SLTM: variants seen among roughly 807,000 people sequenced by gnomAD.
SLTM encodes SAFB like transcription modulator.
SLTM carries 43 observed loss-of-function variants against 134.6 expected under a neutral mutation model. The observed-to-expected ratio is 0.32, with a 90% CI of 0.25 to 0.41. The LOEUF is 0.41. SLTM is among the 10% of genes least tolerant of loss of function. SLTM has a pLI of 1.00. For missense variants in SLTM, 1,055 were observed against 1,288.8 expected, an observed-to-expected ratio of 0.82 and a Z score of 2.78; for synonymous variants, 424 against 432.3, an observed-to-expected ratio of 0.98 and a Z score of 0.24.
In SLTM at chr15:58,894,100, T is replaced by C; in HGVS notation, c.1471A>G (p.Arg491Gly). ...SSGDKKNTSDRSSKTQASVKK... is the reference protein window; with the variant it reads ...SSGDKKNTSDGSSKTQASVKK... ...AAAATAAATCCTTACTTGCTACTTC[T>C]ATCACTCGTATTTTTTTTATCTCCA... Residue 491 changes from arginine (R) to glycine (G), a missense_variant, in exon 11 of 21, where the codon AGA (arginine) becomes GGA (glycine). By Grantham distance (125) the Arg-to-Gly change is moderately radical (BLOSUM62 -2). Transcript: ENST00000380516. 1 of 1,602,166 alleles carries C rather than the reference T, an allele frequency of 6.2e-7. No individual in the cohort carries two copies. The highest frequency in any genetic ancestry group is 8.5e-7 in the Non-Finnish European group (1 of 1,175,362).
intron 2 of SLTM, among the ~76,000 whole-genome samples, chr15:58,918,744 A>G (rs1377628452): frequency 1.3e-5 from 2 of 152,174 alleles, no homozygotes; most frequent in Admixed American, 1.3e-4. Flanking sequence ...AATTACTGTC[A>G]TCATTCTCTT....
chr15:58,894,705 G>GTTTTTTTT, intron 9 of SLTM, 123 bp from the exon 10 acceptor site: 2 of 517,564 alleles, frequency 3.9e-6, no homozygotes, highest in Non-Finnish European at 3.2e-6. Context: ...TCTGTCTCAT[G>GTTTTTTTT]TTTTTTTTTT....
chr15:58,914,126 GTC>G (rs1468082318), intron 3 of SLTM, among the ~76,000 whole-genome samples: 1 of 152,176 alleles, frequency 6.6e-6, no homozygotes, highest in Non-Finnish European at 1.5e-5. Flanking sequence ...CTGCATCAAT[GTC>G]TGTTCTTGAA....
intron 14 of SLTM, among the ~76,000 whole-genome samples, chr15:58,892,558 T>C (rs904516879): frequency 1.3e-5 from 2 of 152,212 alleles, no homozygotes; most frequent in African/African-American, 4.8e-5. Flanking sequence ...GCATTGGACT[T>C]GGAGTCAGAA....
At chr15:58,921,713 T>C (rs1324221034) in intron 2 of SLTM, 4 of 250,932 alleles carry the variant, frequency 1.6e-5, no homozygotes, top group Non-Finnish European at 2.5e-5. Context: ...TGGCAACTTT[T>C]GGCTTGTTTT....
Position 58,880,012 on chromosome 15 carries a change from G to A in SLTM, c.3092C>T (p.Pro1031Leu), listed in dbSNP as rs772146647. 26 of 1,613,326 alleles carry A rather than the reference G, an allele frequency of 1.6e-5. No individual in the cohort carries two copies. The highest frequency in any genetic ancestry group is 3.3e-5 in the Admixed American group (2 of 59,918). The change falls in exon 21 of 21, where the codon CCG becomes CTG. Residue 1031 changes from proline (P) to leucine (L), a missense_variant. Pro to Leu is a moderately conservative substitution (Grantham distance 98). This residue lies in a region of SLTM where 776 missense variants were observed against 962.2 expected (regional missense o/e 0.81). Transcript: ENST00000380516. ...SGFKPFKGGP[P>L]RRF ...GAGAGCTCATTTTCAGAATCGTCGC[G>A]GAGGTCCACCCTTAAATGGCTTAAA... is the stretch of plus-strand genomic sequence containing the variant.
chr15:58,901,572 A>G (rs889994580), intron 5 of SLTM, among the ~76,000 whole-genome samples: 1 of 152,222 alleles, frequency 6.6e-6, no homozygotes, highest in East Asian at 1.9e-4. Context: ...ATATAATCCA[A>G]TTCTTCCTCA....
Position 58,933,640 on chromosome 15 carries a change from G to A in SLTM, c.-75C>T. ...GGCAGCAGCGCCAACTTCCACCCAG[G>A]CCTCGGCGGCCGCCGGCGCCGCGCA... On this transcript the variant is annotated 5_prime_UTR_variant, in exon 1 of 21. Transcript: ENST00000380516. 2.2e-6 allele frequency: 3 copies of A among 1,388,590 alleles called. No homozygotes were observed. Among genetic ancestry groups the A allele is most frequent in the African/African-American group, 1.5e-5 (1 of 65,766 alleles). The allele number at this position is 1,388,590 out of a possible 1,614,324, so 86.0% of individuals were successfully genotyped here. A position where few individuals can be genotyped will look rare whatever the true frequency, so the allele number is the denominator to read the frequency against.
intron 5 of SLTM, among the ~76,000 whole-genome samples, chr15:58,908,556 A>G (rs1259109990): frequency 8.6e-5 from 13 of 151,984 alleles, no homozygotes; most frequent in Non-Finnish European, 1.3e-4. Flanking sequence ...TTTTATAGAG[A>G]CAGGGTCTTA....
chr15:58,916,953 T>C lies in SLTM; in HGVS notation c.297A>G (p.Glu99=), dbSNP rs1334803084. The C allele has an allele frequency of 6.2e-6, 10 of 1,613,872 alleles. No individual in the cohort carries two copies. The highest frequency in any genetic ancestry group is 8.5e-6 in the Non-Finnish European group (10 of 1,179,830). The part of the protein sequence containing the change: ...ADELSGDASV[E]DDAFIKDCEL... ...ACTTTACCTTGATAAAAGCATCATC[T>C]TCCACAGAAGCATCTCCACTCAACT... Residue 99 remains glutamate (E), a synonymous_variant, in exon 3 of 21, where the codon GAA becomes GAG. Transcript: ENST00000380516.
chr15:58,924,336 C>T lies in SLTM; in HGVS notation c.251-7337G>A, dbSNP rs117402347. On this transcript the variant is annotated intron_variant, in intron 2 of 20. Transcript: ENST00000380516. ...AAATGGCAAAGTAAAAACGTATATA[C>T]CAGAGAAAGACAAGACTATAAACAT... 7.7e-3 allele frequency among the ~76,000 whole-genome samples: 1,166 copies of T among 152,168 alleles called. 13 individuals carry two copies. Among genetic ancestry groups the T allele is most frequent in the South Asian group, 0.029 (139 of 4,826 alleles).
At position 58,910,526 on chromosome 15, in the gene SLTM, T is replaced by TA. The variant is rs141956858; in HGVS notation, c.561+2036_561+2037insT. ...TTCCTTCAGATATATTTCCATCTGTTTAAAAATTGTTCGTAATGAAGTTTA... is the reference window on the plus strand; with the variant it reads ...TTCCTTCAGATATATTTCCATCTGTTATAAAAATTGTTCGTAATGAAGTTTA... On this transcript the variant is annotated intron_variant, in intron 5 of 20. Coordinates refer to ENST00000380516, the MANE Select transcript of SLTM (RefSeq NM_024755.4). Among the ~76,000 whole-genome samples the TA allele has an allele frequency of 7.9e-3, 1,201 of 152,342 alleles. 17 individuals carry two copies. The highest frequency in any genetic ancestry group is 0.027 in the African/African-American group (1,104 of 41,586).
chr15:58,930,654 C>T (rs536143663), intron 2 of SLTM, among the ~76,000 whole-genome samples: 1 of 151,186 alleles, frequency 6.6e-6, no homozygotes, highest in Non-Finnish European at 1.5e-5. Flanking sequence ...TTTGAGGCTG[C>T]AAAGAGCTAG....
chr15:58,881,524 G>GA (rs35092293), intron 20 of SLTM, among the ~76,000 whole-genome samples: 77,216 of 146,120 alleles, frequency 0.53, 22,268 homozygotes, highest in Middle Eastern at 0.71. Flanking sequence ...CTTCGTCTTG[G>GA]AAAAAAAAAA....
chr15:58,905,670 C>T (rs1450276345), intron 5 of SLTM, among the ~76,000 whole-genome samples: 1 of 151,834 alleles, frequency 6.6e-6, no homozygotes, highest in Non-Finnish European at 1.5e-5. Context: ...AAACTGATAG[C>T]TTCAAGAAAA....
intron 3 of SLTM, 182 bp downstream of exon 3, chr15:58,916,753 A>G (rs1167968360): frequency 2.9e-5 from 14 of 481,130 alleles, no homozygotes; most frequent in East Asian, 1.4e-4. Flanking sequence ...AAAGTTATTT[A>G]CTATATTTCT....
chr15:58,900,058 G>GA (rs35822874), intron 6 of SLTM, 121 bp from the exon 7 acceptor site: 59,406 of 490,344 alleles, frequency 0.12, 45 homozygotes, highest in Middle Eastern at 0.16. Flanking sequence ...GGAAGTTAGG[G>GA]AAAAAAAAAA....
chr15:58,932,213 T>G, intron 2 of SLTM, 143 bp downstream of exon 2: 1 of 652,860 alleles, frequency 1.5e-6, no homozygotes, highest in Non-Finnish European at 2.7e-6. Flanking sequence ...CAACAGTAAC[T>G]TTTCTTCCTT....
rs2270665 is a variant in SLTM at position 58,889,745 on chromosome 15, T to C, written c.2080-191A>G. ...AGCTATTGTTCTGCAACATTAAAAA[T>C]AACAAGGACTGGGTGGTAAAAGTTG... On this transcript the variant is annotated intron_variant, in intron 15 of 20. Transcript: ENST00000380516. 6.0e-3 allele frequency among the ~76,000 whole-genome samples: 912 copies of C among 152,310 alleles called. 25 individuals are homozygous for C. Among genetic ancestry groups the C allele is most frequent in the East Asian group, 0.033 (170 of 5,184 alleles).
Sources: allele counts gnomAD v4.1 joint callset (sites outside exome capture counted in the v4.1 genomes callset), GRCh38; gene constraint gnomAD v4.1.1; regional missense constraint gnomAD v4.1.1; transcripts MANE v1.5; gene names NCBI Gene and HGNC (gene_info 2026-07-23, HGNC 2026-07-21).